Variants in CRB1 observed in about 807,000 individuals in gnomAD.
The protein encoded by CRB1 is protein crumbs homolog 1.
A neutral mutation model predicts 120.0 loss-of-function variants in CRB1; 83 were observed. The observed-to-expected ratio is 0.69, with a 90% confidence interval of 0.58 to 0.83. The LOEUF is 0.83. CRB1 is among the 40% of genes least tolerant of loss of function. The probability of loss-of-function intolerance (pLI) is 0.00; values close to 1 mark genes in which losing one functional copy is unlikely to be tolerated. For synonymous variants in CRB1, 625 were observed against 612.5 expected, an observed-to-expected ratio of 1.02 and a Z score of -0.30; for missense variants, 1,699 against 1,687.6, an observed-to-expected ratio of 1.01 and a Z score of -0.12.
intron 11 of CRB1, among the ~76,000 whole-genome samples, chr1:197,465,827 T>G (rs1571621333): frequency 6.6e-6 from 1 of 152,192 alleles, no homozygotes; most frequent in Non-Finnish European, 1.5e-5. Flanking sequence ...TAAGAGAAGG[T>G]GCAAGGTATA....
the CRB1 span, among the ~76,000 whole-genome samples, chr1:197,250,042 G>A: frequency 3.3e-5 from 5 of 151,772 alleles, no homozygotes; most frequent in Admixed American, 6.6e-5. Flanking sequence ...TCAGTTTTTC[G>A]TTTGCTTTTC....
the CRB1 span, among the ~76,000 whole-genome samples, chr1:197,215,541 G>A: frequency 0.014 from 2,152 of 152,274 alleles, 53 homozygotes; most frequent in African/African-American, 0.046. Context: ...CTCCCAAAGT[G>A]CTGGGATTAC....
intron 6 of CRB1, among the ~76,000 whole-genome samples, chr1:197,422,990 C>A (rs572503600): frequency 2.0e-3 from 299 of 152,168 alleles, no homozygotes; most frequent in Non-Finnish European, 3.4e-3. Context: ...ACCTGTTTGA[C>A]AATGAAGTAT....
At position 197,328,540 on chromosome 1, in the gene CRB1, G is replaced by T. The variant is rs1391243067; in HGVS notation, c.189G>T (p.Leu63Phe). 39 of 1,614,146 alleles carry T rather than the reference G, an allele frequency of 2.4e-5. No homozygotes were observed. Among genetic ancestry groups the T allele is most frequent in the Non-Finnish European group, 3.1e-5 (37 of 1,180,016 alleles). Residue 63 changes from leucine (L) to phenylalanine (F), a missense_variant, in exon 2 of 12, where the codon TTG (leucine) becomes TTT (phenylalanine). Leu to Phe is a conservative substitution (Grantham distance 22). Transcript: ENST00000367400. ...CTTGTTCAGACACAGCCAATAATTT[G>T]GACAAAGACTGTGACAACATGAAAG... ...DCSCSDTANN[L>F]DKDCDNMKDP...
In CRB1 at chr1:197,327,123, A is replaced by C. The variant is rs4915482; in HGVS notation, c.71-1299A>C. Among the ~76,000 whole-genome samples, 226 of 127,782 alleles carry C rather than the reference A, an allele frequency of 1.8e-3. 4 individuals carry two copies. Among genetic ancestry groups the C allele is most frequent in the South Asian group, 7.4e-3 (31 of 4,168 alleles). 83.8% of individuals were successfully genotyped at this position (127,782 alleles called of 152,430 possible). A position where few individuals can be genotyped will look rare whatever the true frequency, so the allele number is the denominator to read the frequency against. ...AAAAAAAAAAAAAAAAAAAAAAAAA[A>C]AAAAAAAAACAGAAACCAAGGCTGG... is the stretch of plus-strand genomic sequence containing the variant. On this transcript the variant is annotated intron_variant, in intron 1 of 11. Transcript: ENST00000367400.
intron 1 of CRB1, among the ~76,000 whole-genome samples, chr1:197,309,578 A>C (rs939308105): frequency 2.6e-5 from 4 of 151,618 alleles, no homozygotes; most frequent in East Asian, 3.9e-4. Context: ...CACGGTGAAA[A>C]CCTGTCTCTA....
At chr1:197,242,098 A>G in the CRB1 span, among the ~76,000 whole-genome samples, 1 of 152,112 alleles carries the variant, frequency 6.6e-6, no homozygotes, top group Non-Finnish European at 1.5e-5. Context: ...GGCTGAGATG[A>G]TGGGGTTTTC....
chr1:197,378,085 A>G (rs1661741050), intron 5 of CRB1, among the ~76,000 whole-genome samples: 1 of 152,194 alleles, frequency 6.6e-6, no homozygotes, highest in South Asian at 2.1e-4. Flanking sequence ...TTGACATGTA[A>G]GTTTTCTGGT....
intron 5 of CRB1, among the ~76,000 whole-genome samples, chr1:197,358,809 T>C (rs1255190840): frequency 1.4e-5 from 2 of 144,764 alleles, no homozygotes; most frequent in Non-Finnish European, 3.1e-5. Flanking sequence ...TGGTCAAATG[T>C]AATCATGTAA....
At chr1:197,433,173 C>T (rs1328544749) in intron 8 of CRB1, among the ~76,000 whole-genome samples, 1 of 151,678 alleles carries the variant, frequency 6.6e-6, no homozygotes, top group East Asian at 1.9e-4. Flanking sequence ...TGAGATTATA[C>T]CCACAACTGG....
chr1:197,315,605 A>T (rs1333061334), intron 1 of CRB1, among the ~76,000 whole-genome samples: 1 of 152,244 alleles, frequency 6.6e-6, no homozygotes, highest in African/African-American at 2.4e-5. Flanking sequence ...ATTATACTTC[A>T]TGAATATAAA....
At chr1:197,348,115 A>G (rs1413825430) in intron 4 of CRB1, among the ~76,000 whole-genome samples, 2 of 152,226 alleles carry the variant, frequency 1.3e-5, no homozygotes, top group African/African-American at 4.8e-5. Flanking sequence ...GACGGACCAC[A>G]TATACAACCG....
intron 11 of CRB1, chr1:197,443,984 G>A (rs1209954453): frequency 1.3e-5 from 2 of 152,096 alleles, no homozygotes; most frequent in Non-Finnish European, 2.9e-5. Context: ...CCTGCCAAAT[G>A]TCATTTTGTA....
the CRB1 span, among the ~76,000 whole-genome samples, chr1:197,235,135 G>T: frequency 6.6e-6 from 1 of 152,140 alleles, no homozygotes; most frequent in Non-Finnish European, 1.5e-5. Context: ...GGAACCAAAG[G>T]GTAAAAGTAG....
chr1:197,298,247 G>A (rs544647864), intron 1 of CRB1, among the ~76,000 whole-genome samples: 1 of 152,242 alleles, frequency 6.6e-6, no homozygotes, highest in African/African-American at 2.4e-5. Context: ...CTTATTCTGA[G>A]CACGCTGAAA....
chr1:197,290,124 T>A (rs763212694), intron 1 of CRB1, among the ~76,000 whole-genome samples: 3 of 151,998 alleles, frequency 2.0e-5, no homozygotes, highest in Non-Finnish European at 2.9e-5. Context: ...AAGAGGTTTT[T>A]AAAAACATTT....
intron 2 of CRB1, among the ~76,000 whole-genome samples, chr1:197,343,886 T>C (rs976136064): frequency 2.0e-5 from 3 of 152,232 alleles, no homozygotes; most frequent in Non-Finnish European, 4.4e-5. Flanking sequence ...CCCAACTGTC[T>C]GGCTTTGGAG....
chr1:197,281,964 TA>T (rs917726497), intron 1 of CRB1, among the ~76,000 whole-genome samples: 2 of 150,948 alleles, frequency 1.3e-5, no homozygotes, highest in African/African-American at 2.4e-5. Context: ...AAGAGTATAA[TA>T]AAAAAAATTA....
At position 197,269,771 on chromosome 1, in the gene CRB1, T is replaced by C. The variant is rs1001726460; in HGVS notation, c.70+1289T>C. Among the ~76,000 whole-genome samples, 15 of 152,264 alleles carry C rather than the reference T, an allele frequency of 9.9e-5. No homozygotes were observed. The East Asian group carries it at 2.9e-3, about 29-fold the overall frequency. Reference sequence around the variant, plus strand: ...TGGAAATTCCTGGAGTTTGCTGCAGTTTGTTTTAAAGGAAATGAATGTATG... The same window carrying C: ...TGGAAATTCCTGGAGTTTGCTGCAGCTTGTTTTAAAGGAAATGAATGTATG... On this transcript the variant is annotated intron_variant, in intron 1 of 11. Coordinates refer to ENST00000367400, the MANE Select transcript of CRB1 (RefSeq NM_201253.3).
Sources: allele counts gnomAD v4.1 joint callset (sites outside exome capture counted in the v4.1 genomes callset), GRCh38; gene constraint gnomAD v4.1.1; transcripts MANE v1.5; gene names NCBI Gene and HGNC (gene_info 2026-07-23, HGNC 2026-07-21).